Variants in TMEM117 observed in about 807,000 individuals in gnomAD.
TMEM117 encodes transmembrane protein 117.
TMEM117 carries 27 observed loss-of-function variants against 52.4 expected under a neutral mutation model. The ratio of observed to expected loss-of-function variants is 0.51; its 90% CI spans 0.38 to 0.71. The LOEUF is 0.71. TMEM117 is among the 30% of genes least tolerant of loss of function. The pLI, the probability that TMEM117 is intolerant of heterozygous loss-of-function variation, is 0.00. For missense variants in TMEM117, 556 were observed against 630.5 expected (o/e 0.88, Z 1.26); for synonymous variants, 215 against 206.3 (o/e 1.04, Z -0.36).
At chr12:43,816,009 G>A in the TMEM117 span, among the ~76,000 whole-genome samples, 1 of 152,176 alleles carries the variant, frequency 6.6e-6, no homozygotes, top group Non-Finnish European at 1.5e-5. Context: ...TTGCATATTC[G>A]TGTATATTGA....
chr12:44,296,415 G>T (rs1013461084), intron 5 of TMEM117, among the ~76,000 whole-genome samples: 2 of 152,158 alleles, frequency 1.3e-5, no homozygotes, highest in Non-Finnish European at 2.9e-5. Flanking sequence ...TGTACCTCCT[G>T]CCAGGTTCTT....
chr12:44,096,044 A>G (rs1947754896), intron 3 of TMEM117, among the ~76,000 whole-genome samples: 2 of 152,180 alleles, frequency 1.3e-5, no homozygotes, highest in Admixed American at 6.6e-5. Context: ...TCAATGTACA[A>G]AAATCACAAG....
chr12:44,311,035 T>G (rs1455563769), intron 6 of TMEM117, among the ~76,000 whole-genome samples: 1 of 152,210 alleles, frequency 6.6e-6, no homozygotes, highest in Non-Finnish European at 1.5e-5. Context: ...TAGTCTCAGT[T>G]TATTGCATTT....
At chr12:44,330,740 A>C (rs1433239357) in intron 6 of TMEM117, among the ~76,000 whole-genome samples, 1 of 152,000 alleles carries the variant, frequency 6.6e-6, no homozygotes, top group Non-Finnish European at 1.5e-5. Flanking sequence ...CAATGATCAT[A>C]TGTGATTTGC....
intron 3 of TMEM117, among the ~76,000 whole-genome samples, chr12:44,047,618 G>A (rs951553982): frequency 2.0e-5 from 3 of 152,082 alleles, no homozygotes; most frequent in Non-Finnish European, 4.4e-5. Context: ...TGCTTTGTAA[G>A]GAGTCAATAA....
At chr12:44,188,095 A>G (rs1949301835) in intron 4 of TMEM117, among the ~76,000 whole-genome samples, 1 of 152,160 alleles carries the variant, frequency 6.6e-6, no homozygotes, top group South Asian at 2.1e-4. Flanking sequence ...TGAGGCAGAA[A>G]GGCATAAACA....
At chr12:44,262,165 C>G (rs1319276304) in intron 5 of TMEM117, among the ~76,000 whole-genome samples, 1 of 152,150 alleles carries the variant, frequency 6.6e-6, no homozygotes, top group African/African-American at 2.4e-5. Flanking sequence ...AAAGGTTATG[C>G]TGACTATAGT....
intron 5 of TMEM117, among the ~76,000 whole-genome samples, chr12:44,278,097 G>T (rs992821568): frequency 2.0e-5 from 3 of 152,064 alleles, no homozygotes; most frequent in African/African-American, 7.2e-5. Context: ...ATGTGATTGG[G>T]TTAGGCCCCT....
At chr12:44,216,136 T>G (rs1949715503) in intron 5 of TMEM117, among the ~76,000 whole-genome samples, 1 of 151,502 alleles carries the variant, frequency 6.6e-6, no homozygotes, top group Non-Finnish European at 1.5e-5. Flanking sequence ...GACTCCTGAG[T>G]AGCTGGGATT....
At chr12:44,125,003 C>G (rs1301171588) in intron 3 of TMEM117, among the ~76,000 whole-genome samples, 1 of 152,084 alleles carries the variant, frequency 6.6e-6, no homozygotes, top group African/African-American at 2.4e-5. Context: ...CTTTTTTGTA[C>G]CTCTGGTAGA....
intron 3 of TMEM117, among the ~76,000 whole-genome samples, chr12:43,989,488 C>CT (rs1735600624): frequency 6.6e-6 from 1 of 151,930 alleles, no homozygotes; most frequent in African/African-American, 2.4e-5. Context: ...ATAATTTGTT[C>CT]TACCCGTGGC....
At chr12:43,950,956 A>T (rs1326369742) in intron 3 of TMEM117, among the ~76,000 whole-genome samples, 3 of 152,132 alleles carry the variant, frequency 2.0e-5, no homozygotes, top group Non-Finnish European at 4.4e-5. Flanking sequence ...TACCCAGTTC[A>T]TCCTACTGGG....
intron 5 of TMEM117, among the ~76,000 whole-genome samples, chr12:44,273,129 C>T (rs1950468047): frequency 6.6e-6 from 1 of 152,000 alleles, no homozygotes; most frequent in Non-Finnish European, 1.5e-5. Context: ...GGACAGAAAA[C>T]CAAACACCGC....
chr12:44,302,148 C>T (rs1950848362), intron 6 of TMEM117, among the ~76,000 whole-genome samples: 1 of 152,182 alleles, frequency 6.6e-6, no homozygotes. Flanking sequence ...TATGGATCTT[C>T]TGCCACCACA....
intron 5 of TMEM117, among the ~76,000 whole-genome samples, chr12:44,245,608 G>A (rs1473990859): frequency 6.6e-6 from 1 of 150,596 alleles, no homozygotes; most frequent in South Asian, 2.1e-4. Flanking sequence ...GGAGTCTTTA[G>A]TATTTTCTAT....
intron 3 of TMEM117, among the ~76,000 whole-genome samples, chr12:43,984,454 T>G (rs1369696909): frequency 6.6e-6 from 1 of 152,170 alleles, no homozygotes; most frequent in Non-Finnish European, 1.5e-5. Context: ...AGGTGTACCA[T>G]GACTACTATA....
intron 4 of TMEM117, among the ~76,000 whole-genome samples, chr12:44,177,005 C>T (rs2138300165): frequency 6.6e-6 from 1 of 152,080 alleles, no homozygotes; most frequent in Admixed American, 6.5e-5. Context: ...TGTAAAATAC[C>T]CAAGCCAGTC....
chr12:43,807,318 C>A, the TMEM117 span, among the ~76,000 whole-genome samples: 1 of 152,164 alleles, frequency 6.6e-6, no homozygotes, highest in Admixed American at 6.5e-5. Context: ...GAGTGATGAA[C>A]AGGCCTGCAA....
chr12:44,084,867 T>A (rs1370767270), intron 3 of TMEM117, among the ~76,000 whole-genome samples: 2 of 152,210 alleles, frequency 1.3e-5, no homozygotes, highest in Non-Finnish European at 2.9e-5. Context: ...ATGTGAAAGT[T>A]TATCTGAAAT....
Sources: allele counts gnomAD v4.1 joint callset (sites outside exome capture counted in the v4.1 genomes callset), GRCh38; gene constraint gnomAD v4.1.1; transcripts MANE v1.5; gene names NCBI Gene and HGNC (gene_info 2026-07-23, HGNC 2026-07-21).